UPF1: variants seen among roughly 807,000 people sequenced by gnomAD.
The protein encoded by UPF1 is UPF1 RNA helicase and ATPase, also known as regulator of nonsense transcripts 1.
UPF1 carries 9 observed loss-of-function variants against 129.2 expected under a neutral mutation model. The observed-to-expected ratio is 0.07, with a 90% CI of 0.04 to 0.12. The LOEUF is 0.12. UPF1 is among the 10% of genes least tolerant of loss of function. The pLI, the probability that UPF1 is intolerant of heterozygous loss-of-function variation, is 1.00. For missense variants in UPF1, 788 were observed against 1,525.3 expected, an observed-to-expected ratio of 0.52 and a Z score of 8.05; for synonymous variants, 649 against 644.9, an observed-to-expected ratio of 1.01 and a Z score of -0.10.
Position 18,834,349 on chromosome 19 carries a change from A to G in UPF1, c.231+1909A>G, listed in dbSNP as rs533995239. On this transcript the variant is annotated intron_variant, in intron 1 of 23. Coordinates refer to ENST00000262803, the MANE Select transcript of UPF1 (RefSeq NM_002911.4). ...GTGAATCCTTTTAACTGTAGCGAGCATAAAACAGCAAACCTGGGGCAGCCT... is the reference window on the plus strand; with the variant it reads ...GTGAATCCTTTTAACTGTAGCGAGCGTAAAACAGCAAACCTGGGGCAGCCT... Among the ~76,000 whole-genome samples, 8 of 152,356 alleles carry G rather than the reference A, an allele frequency of 5.3e-5. No homozygotes were observed. In the South Asian group the frequency reaches 1.0e-3, roughly 20 times the overall value.
At position 18,864,260 on chromosome 19, in the gene UPF1, C is replaced by T; in HGVS notation, c.2857+9C>T. 1 of 1,608,810 alleles carries T rather than the reference C, an allele frequency of 6.2e-7. No homozygotes were observed. The highest frequency in any genetic ancestry group is 8.5e-7 in the Non-Finnish European group (1 of 1,176,002). On this transcript the variant is annotated intron_variant, in intron 20 of 23. Coordinates refer to ENST00000262803, the MANE Select transcript of UPF1 (RefSeq NM_002911.4). Reference sequence around the variant, plus strand: ...TGATCGGAGCAGCCAGGGTGAGTCGCTCAGCAGGGGACCTGGCCGACCCCT... The same window carrying T: ...TGATCGGAGCAGCCAGGGTGAGTCGTTCAGCAGGGGACCTGGCCGACCCCT...
rs1436559047 is a variant in UPF1 at position 18,832,757 on chromosome 19, C to T, written c.231+317C>T. 6.6e-6 allele frequency among the ~76,000 whole-genome samples: 1 copy of T among 152,218 alleles called. No homozygotes were observed. Among genetic ancestry groups the T allele is most frequent in the Admixed American group, 6.5e-5 (1 of 15,284 alleles). ...CCACTTCGTTCGGGACCGAGCTAAC[C>T]TGACCCTGTTCCTTTACGCCAGCTG... On this transcript the variant is annotated intron_variant, in intron 1 of 23. Coordinates refer to ENST00000262803, the MANE Select transcript of UPF1 (RefSeq NM_002911.4). The surrounding 1 kb of genome is among the most constrained non-coding windows in gnomAD (Gnocchi z 5.6).
Position 18,851,027 on chromosome 19 carries a change from C to T in UPF1, c.810+159C>T. On this transcript the variant is annotated intron_variant, in intron 5 of 23. Transcript: ENST00000262803. This position sits in a 1 kb window ranked among gnomAD's most constrained non-coding sequence, Gnocchi z 4.2. The stretch of plus-strand genomic sequence containing the variant: ...ACCTCTACGTGGAATGACCTCAGGG[C>T]ACCTTGGTCACCTTCCATCCAGGCA... 1 of 807,298 alleles carries T rather than the reference C, an allele frequency of 1.2e-6. No homozygotes were observed. The highest frequency in any genetic ancestry group is 2.4e-5 in the South Asian group (1 of 42,344). The allele number at this position is 807,298 out of a possible 1,614,324, so 50.0% of individuals were successfully genotyped here.
chr19:18,847,142 T>C (rs1601105708), intron 2 of UPF1, among the ~76,000 whole-genome samples: 2 of 152,388 alleles, frequency 1.3e-5, no homozygotes, highest in East Asian at 3.9e-4. Flanking sequence ...TCTTCACTCA[T>C]TCTCATTTAC....
At chr19:18,839,405 A>G (rs764566968) in intron 1 of UPF1, among the ~76,000 whole-genome samples, 3 of 152,138 alleles carry the variant, frequency 2.0e-5, no homozygotes, top group Non-Finnish European at 4.4e-5. Context: ...CTTTAAGTAT[A>G]GAACTTAGTG....
chr19:18,848,248 T>TCA (rs1357988005), intron 3 of UPF1: 2 of 174,106 alleles, frequency 1.1e-5, no homozygotes, highest in Non-Finnish European at 2.5e-5. Context: ...TCAGGCCAGA[T>TCA]CCTGAATCAT....
rs1013236350 is a variant in UPF1 at position 18,851,912 on chromosome 19, A to AGGCATG, written c.811-219_811-214dup. Among the ~76,000 whole-genome samples the AGGCATG allele has an allele frequency of 4.6e-5, 7 of 152,214 alleles. No homozygotes were observed. Among genetic ancestry groups the AGGCATG allele is most frequent in the Non-Finnish European group, 8.8e-5 (6 of 68,026 alleles). On this transcript the variant is annotated intron_variant, in intron 5 of 23. Coordinates refer to ENST00000262803, the MANE Select transcript of UPF1 (RefSeq NM_002911.4). This position sits in a 1 kb window ranked among gnomAD's most constrained non-coding sequence, Gnocchi z 4.2. ...GGGTGCGGAGCAGCAGCTGAGGCCCAGGCATGGGCCAGGCCGGTGTGCAGC... is the reference window on the plus strand; with the variant it reads ...GGGTGCGGAGCAGCAGCTGAGGCCCAGGCATGGGCATGGGCCAGGCCGGTGTGCAGC...
chr19:18,834,532 G>C (rs983621607), intron 1 of UPF1, among the ~76,000 whole-genome samples: 2 of 152,182 alleles, frequency 1.3e-5, no homozygotes, highest in African/African-American at 4.8e-5. Context: ...AAACATTGCA[G>C]TTGAGCTCAC....
At chr19:18,843,920 A>C (rs1420820726) in intron 1 of UPF1, among the ~76,000 whole-genome samples, 1 of 151,644 alleles carries the variant, frequency 6.6e-6, no homozygotes, top group Non-Finnish European at 1.5e-5. Flanking sequence ...TCGTTTGTGT[A>C]TTTTTTTGTG....
At chr19:18,846,233 G>T in intron 2 of UPF1, 114 bp downstream of exon 2, 2 of 1,473,090 alleles carry the variant, frequency 1.4e-6, no homozygotes, top group South Asian at 2.6e-5. Context: ...TGTGACTCTG[G>T]GTGGCGGTGT....
chr19:18,860,535 T>A (rs1043948413), intron 16 of UPF1, 97 bp downstream of exon 16: 9 of 1,264,460 alleles, frequency 7.1e-6, no homozygotes, highest in Non-Finnish European at 1.0e-5. Context: ...GACTGAAACT[T>A]TTTTTGCCTT....
At chr19:18,835,806 G>A (rs1224131252) in intron 1 of UPF1, among the ~76,000 whole-genome samples, 1 of 152,184 alleles carries the variant, frequency 6.6e-6, no homozygotes, top group Non-Finnish European at 1.5e-5. Context: ...ACAGGTTTCT[G>A]CGTGGATGTG....
Position 18,860,454 on chromosome 19 carries a change from C to G in UPF1, c.2300+16C>G, listed in dbSNP as rs1210670209. On this transcript the variant is annotated intron_variant, in intron 16 of 23. Transcript: ENST00000262803. ...ACCTGAACAGGTGAGCAGGGACAGG[C>G]CCACCGGCGTCTGCAGGTCTTGGGG... The G allele has an allele frequency of 1.2e-6, 2 of 1,611,224 alleles. No homozygotes were observed. Among genetic ancestry groups the G allele is most frequent in the Admixed American group, 3.3e-5 (2 of 59,966 alleles).
At chr19:18,844,727 C>G (rs998986711) in intron 1 of UPF1, among the ~76,000 whole-genome samples, 2 of 152,216 alleles carry the variant, frequency 1.3e-5, no homozygotes, top group African/African-American at 2.4e-5. Flanking sequence ...TGATGACCCT[C>G]TTGTCCTTCA....
intron 3 of UPF1, chr19:18,849,427 C>G (rs899836669): frequency 6.4e-6 from 1 of 155,758 alleles, no homozygotes; most frequent in Non-Finnish European, 1.4e-5. Context: ...GGGCAGGGTT[C>G]AGCCCAGACC....
intron 1 of UPF1, among the ~76,000 whole-genome samples, chr19:18,840,515 T>A (rs1195705295): frequency 1.3e-5 from 2 of 152,000 alleles, no homozygotes; most frequent in Admixed American, 1.3e-4. Context: ...AGGGGCAGTT[T>A]GTGCTTGTCA....
intron 17 of UPF1, among the ~76,000 whole-genome samples, chr19:18,861,483 A>G (rs2055778615): frequency 6.6e-6 from 1 of 152,224 alleles, no homozygotes; most frequent in South Asian, 2.1e-4. Context: ...AGCACGGCTC[A>G]GGTTCTCTGG....
At chr19:18,844,374 C>T (rs968903330) in intron 1 of UPF1, among the ~76,000 whole-genome samples, 4 of 150,196 alleles carry the variant, frequency 2.7e-5, no homozygotes, top group Non-Finnish European at 5.9e-5. Context: ...CAAGGTGGAG[C>T]GTGCAGTGGC....
chr19:18,848,836 G>C (rs550429067), intron 3 of UPF1, among the ~76,000 whole-genome samples: 1 of 152,312 alleles, frequency 6.6e-6, no homozygotes, highest in African/African-American at 2.4e-5. Flanking sequence ...AGAATCTTCT[G>C]GGTAATTTAA....
Sources: gnomAD v4.1 joint callset for allele counts (sites outside exome capture counted in the v4.1 genomes callset) on GRCh38, gnomAD v4.1.1 for gene constraint, Gnocchi (gnomAD v3.1) non-coding constraint, MANE v1.5 for transcripts, NCBI Gene and HGNC (gene_info 2026-07-23, HGNC 2026-07-21) for gene names.